ZNF385D: variants seen among roughly 807,000 people sequenced by gnomAD.
ZNF385D encodes zinc finger protein 385D, also known as zinc finger protein 659.
ZNF385D carries 15 observed loss-of-function variants against 35.8 expected under a neutral mutation model. That is an observed-to-expected ratio of 0.42 (90% CI 0.28 to 0.64). The LOEUF is 0.64. ZNF385D is among the 30% of genes least tolerant of loss of function. The probability of loss-of-function intolerance (pLI) is 0.23; values close to 1 mark genes in which losing one functional copy is unlikely to be tolerated. For missense variants in ZNF385D, 474 were observed against 494.6 expected, an observed-to-expected ratio of 0.96 and a Z score of 0.39; for synonymous variants, 212 against 186.8, an observed-to-expected ratio of 1.13 and a Z score of -1.10.
chr3:22,143,160 C>G (rs1349700113), intron 3 of ZNF385D, among the ~76,000 whole-genome samples: 2 of 150,574 alleles, frequency 1.3e-5, no homozygotes, highest in Non-Finnish European at 2.9e-5. Context: ...TCCGCTCACT[C>G]TAAGCTCCGC....
Position 21,743,275 on chromosome 3 carries a change from T to C in ZNF385D, c.22+7620A>G, listed in dbSNP as rs138506392. Among the ~76,000 whole-genome samples, 244 of 152,294 alleles carry C rather than the reference T, an allele frequency of 1.6e-3. 1 individual carries two copies. The highest frequency in any genetic ancestry group is 5.6e-3 in the African/African-American group (233 of 41,562). ...GTAGCACAGCTAATTTGGACTTTTT[T>C]TATAAGCATTGAGTTAAATAGTGAG... On this transcript the variant is annotated intron_variant, in intron 1 of 7. Coordinates refer to ENST00000281523, the MANE Select transcript of ZNF385D (RefSeq NM_024697.3).
At chr3:21,995,628 G>A (rs1695414776) in intron 3 of ZNF385D, among the ~76,000 whole-genome samples, 1 of 151,874 alleles carries the variant, frequency 6.6e-6, no homozygotes, top group African/African-American at 2.4e-5. Context: ...AGTGCCAGCT[G>A]TGGTGGGTGA....
chr3:22,131,570 T>C (rs1307630363), intron 3 of ZNF385D, among the ~76,000 whole-genome samples: 1 of 151,974 alleles, frequency 6.6e-6, no homozygotes, highest in Non-Finnish European at 1.5e-5. Flanking sequence ...TGGAAGGAAC[T>C]GTTACAGGAT....
chr3:21,956,210 G>A (rs1027357274), intron 3 of ZNF385D, among the ~76,000 whole-genome samples: 1 of 151,222 alleles, frequency 6.6e-6, no homozygotes, highest in Non-Finnish European at 1.5e-5. Flanking sequence ...ACAAAAAAAA[G>A]TGAAAGAAAG....
chr3:21,728,942 A>C (rs1446825201), intron 1 of ZNF385D, among the ~76,000 whole-genome samples: 1 of 152,172 alleles, frequency 6.6e-6, no homozygotes, highest in East Asian at 1.9e-4. Context: ...TGTTTTGTTC[A>C]CTGATTCACC....
intron 3 of ZNF385D, among the ~76,000 whole-genome samples, chr3:21,952,723 G>A (rs1486391): frequency 0.86 from 131,054 of 151,934 alleles, 56,712 homozygotes; most frequent in East Asian, 0.98. Context: ...TTAATTTTTG[G>A]TGACTGGTAT....
intron 3 of ZNF385D, among the ~76,000 whole-genome samples, chr3:21,533,089 G>A (rs796962868): frequency 6.6e-6 from 1 of 152,092 alleles, no homozygotes; most frequent in Non-Finnish European, 1.5e-5. Flanking sequence ...GACAAACAAG[G>A]CCACAAGCCA....
At chr3:22,203,316 G>T (rs1439677868) in intron 2 of ZNF385D, among the ~76,000 whole-genome samples, 1 of 152,070 alleles carries the variant, frequency 6.6e-6, no homozygotes, top group African/African-American at 2.4e-5. Context: ...GCCTGAAGGG[G>T]AGAACCCAGT....
At chr3:21,816,734 A>C (rs976114336) in intron 3 of ZNF385D, among the ~76,000 whole-genome samples, 2 of 152,230 alleles carry the variant, frequency 1.3e-5, no homozygotes, top group African/African-American at 2.4e-5. Context: ...AGGAAGAATC[A>C]ATATCATGAA....
At chr3:22,333,794 G>A (rs1460423465) in intron 2 of ZNF385D, among the ~76,000 whole-genome samples, 1 of 152,144 alleles carries the variant, frequency 6.6e-6, no homozygotes, top group South Asian at 2.1e-4. Context: ...AGTTGGTGCA[G>A]ACACCCAGCT....
intron 3 of ZNF385D, among the ~76,000 whole-genome samples, chr3:21,548,592 C>T (rs1161164481): frequency 6.6e-6 from 1 of 152,164 alleles, no homozygotes; most frequent in Non-Finnish European, 1.5e-5. Context: ...TCCATACTTA[C>T]GGTATTAGTA....
intron 1 of ZNF385D, among the ~76,000 whole-genome samples, chr3:21,670,552 G>A (rs2066534913): frequency 6.7e-6 from 1 of 149,946 alleles, no homozygotes; most frequent in African/African-American, 2.5e-5. Flanking sequence ...AGGTCTATGT[G>A]ATAGTAGGCA....
chr3:22,148,619 A>G (rs1243397330), intron 3 of ZNF385D, among the ~76,000 whole-genome samples: 1 of 152,166 alleles, frequency 6.6e-6, no homozygotes, highest in Non-Finnish European at 1.5e-5. Flanking sequence ...ATAGCGTGAC[A>G]AGTTTACTGA....
intron 2 of ZNF385D, among the ~76,000 whole-genome samples, chr3:22,338,323 A>G (rs1320312959): frequency 6.6e-6 from 1 of 152,184 alleles, no homozygotes; most frequent in African/African-American, 2.4e-5. Context: ...TATGATTTCC[A>G]TATGATCTTT....
Position 22,272,267 on chromosome 3 carries a change from C to G in ZNF385D, c.106+100183G>C, listed in dbSNP as rs147009447. Among the ~76,000 whole-genome samples, 722 of 152,138 alleles carry G rather than the reference C, an allele frequency of 4.7e-3. 3 individuals are homozygous for G. The highest frequency in any genetic ancestry group is 0.017 in the African/African-American group (687 of 41,552). On this transcript the variant is annotated intron_variant, in intron 2 of 5. Transcript: ENST00000494108. ...CATTTTTAACTTGCAATATTATCAA[C>G]TTAAAATGGGATTAGCAGGATGCAT...
intron 3 of ZNF385D, among the ~76,000 whole-genome samples, chr3:22,066,879 T>A (rs578029850): frequency 6.6e-6 from 1 of 152,310 alleles, no homozygotes; most frequent in African/African-American, 2.4e-5. Flanking sequence ...AAATAACTTT[T>A]ACCTACGCTG....
At position 22,005,118 on chromosome 3, in the gene ZNF385D, G is replaced by A. The variant is rs574580874; in HGVS notation, c.325+163699C>T. On this transcript the variant is annotated intron_variant, in intron 3 of 5. Coordinates refer to the ZNF385D transcript ENST00000494108. ...AGCAGATAATCCCATTAAAAAGTGG[G>A]CAAAGAATATGAATAGACATTTCTC... Among the ~76,000 whole-genome samples, 51 of 142,858 alleles carry A rather than the reference G, an allele frequency of 3.6e-4. No homozygotes were observed. The South Asian group carries it at 0.011, about 30-fold the overall frequency. The allele number at this position is 142,858 out of a possible 152,430, so 93.7% of individuals were successfully genotyped here. A position where few individuals can be genotyped will look rare whatever the true frequency, so the allele number is the denominator to read the frequency against.
At chr3:21,961,727 T>C (rs1702606642) in intron 3 of ZNF385D, among the ~76,000 whole-genome samples, 1 of 152,082 alleles carries the variant, frequency 6.6e-6, no homozygotes, top group African/African-American at 2.4e-5. Flanking sequence ...TCTAACATGA[T>C]CCAGGGATTC....
intron 3 of ZNF385D, among the ~76,000 whole-genome samples, chr3:21,983,403 G>C (rs1341634370): frequency 2.9e-5 from 3 of 104,792 alleles, no homozygotes; most frequent in South Asian, 3.7e-4. Flanking sequence ...CTATGAGTGA[G>C]AATATGCGGT....
Sources: gnomAD v4.1 joint callset for allele counts (sites outside exome capture counted in the v4.1 genomes callset) on GRCh38, gnomAD v4.1.1 for gene constraint, MANE v1.5 for transcripts, NCBI Gene and HGNC (gene_info 2026-07-23, HGNC 2026-07-21) for gene names.